The following ZNF385D variants were observed in gnomAD, a reference collection of about 807,000 sequenced individuals.
The protein encoded by ZNF385D is zinc finger protein 659.
ZNF385D carries 15 observed loss-of-function variants against 35.8 expected under a neutral mutation model. The ratio of observed to expected loss-of-function variants is 0.42; its 90% CI spans 0.28 to 0.64. The LOEUF is 0.64. Among genes scored for constraint, ZNF385D ranks in the 30% least tolerant of loss-of-function variants. The pLI, the probability that ZNF385D is intolerant of heterozygous loss-of-function variation, is 0.23. For synonymous variants in ZNF385D, 212 were observed against 186.8 expected (o/e 1.13, Z -1.10); for missense variants, 474 against 494.6 (o/e 0.96, Z 0.39).
intron 1 of ZNF385D, among the ~76,000 whole-genome samples, chr3:21,723,611 G>C (rs2068631855): frequency 6.6e-6 from 1 of 152,082 alleles, no homozygotes; most frequent in Non-Finnish European, 1.5e-5. Flanking sequence ...AAAAGAATAA[G>C]AAGGAATGAA....
intron 3 of ZNF385D, among the ~76,000 whole-genome samples, chr3:21,989,453 T>A (rs1245664378): frequency 6.6e-6 from 1 of 152,190 alleles, no homozygotes; most frequent in African/African-American, 2.4e-5. Context: ...TAATTATTTG[T>A]GGATTATGGA....
chr3:21,979,764 A>C (rs1694314686), intron 3 of ZNF385D: 1 of 152,182 alleles, frequency 6.6e-6, no homozygotes. Flanking sequence ...TAAGTAGAGA[A>C]AGAAAGCACC....
chr3:21,826,535 T>C (rs1415486036), intron 3 of ZNF385D, among the ~76,000 whole-genome samples: 1 of 152,148 alleles, frequency 6.6e-6, no homozygotes, highest in Non-Finnish European at 1.5e-5. Flanking sequence ...AGGAGTCCAC[T>C]TGAAAGTCAT....
chr3:22,285,722 C>G (rs1279677834), intron 2 of ZNF385D, among the ~76,000 whole-genome samples: 8 of 151,970 alleles, frequency 5.3e-5, no homozygotes, highest in African/African-American at 1.9e-4. Context: ...GTGATGTTCC[C>G]CTTCCCTAGT....
intron 3 of ZNF385D, among the ~76,000 whole-genome samples, chr3:21,843,737 C>G (rs1420758969): frequency 6.6e-6 from 1 of 151,718 alleles, no homozygotes; most frequent in African/African-American, 2.4e-5. Context: ...GAAATGAAAC[C>G]CAGCAGATGG....
chr3:21,612,802 CACTT>C (rs372407094), intron 2 of ZNF385D, among the ~76,000 whole-genome samples: 23 of 152,224 alleles, frequency 1.5e-4, no homozygotes, highest in African/African-American at 4.3e-4. Flanking sequence ...TAAAAGGTGA[CACTT>C]ACCTTTGCTC....
intron 2 of ZNF385D, among the ~76,000 whole-genome samples, chr3:22,253,126 T>C (rs111950212): frequency 0.017 from 2,515 of 152,086 alleles, 22 homozygotes; most frequent in Admixed American, 0.031. Flanking sequence ...AGGGAATGGA[T>C]AGACTGTGGT....
At chr3:21,664,127 C>A (rs1388332597) in intron 2 of ZNF385D, among the ~76,000 whole-genome samples, 2 of 148,136 alleles carry the variant, frequency 1.4e-5, no homozygotes, top group South Asian at 2.1e-4. Flanking sequence ...AAAAAAAAGT[C>A]ACTTACTCGT....
chr3:22,302,417 C>A (rs192745603), intron 2 of ZNF385D, among the ~76,000 whole-genome samples: 1 of 151,096 alleles, frequency 6.6e-6, no homozygotes, highest in Non-Finnish European at 1.5e-5. Context: ...TTGGTATATG[C>A]AATTTATTTT....
At chr3:22,146,634 C>T (rs1408247734) in intron 3 of ZNF385D, among the ~76,000 whole-genome samples, 3 of 152,084 alleles carry the variant, frequency 2.0e-5, no homozygotes, top group Non-Finnish European at 1.5e-5. Flanking sequence ...AATAACTTTT[C>T]TCTAATATTT....
rs757564443 is a variant in ZNF385D, at chr3:21,564,676, C to T, written c.174G>A (p.Pro58=). 47 of 1,551,354 alleles carry T rather than the reference C, an allele frequency of 3.0e-5. 1 individual carries two copies. The East Asian group carries it at 5.0e-4, about 16-fold the overall frequency. Residue 58 remains proline (P), a synonymous_variant, in exon 3 of 8, where the codon CCG becomes CCA. Transcript: ENST00000281523. ...NLFPNFNAMD[P]IQKAVINHTF... is the part of the protein sequence containing the mutation. ...TATGGTTTATTACAGCTTTCTGAAT[C>T]GGGTCCATCTGTAATGAGAAAAAAG...
At chr3:22,043,760 C>T (rs1361731608) in intron 3 of ZNF385D, among the ~76,000 whole-genome samples, 5 of 151,864 alleles carry the variant, frequency 3.3e-5, no homozygotes, top group African/African-American at 7.3e-5. Context: ...TAATACAATA[C>T]GGTAAAAATG....
chr3:22,116,935 G>T (rs937990334), intron 3 of ZNF385D, among the ~76,000 whole-genome samples: 1 of 151,914 alleles, frequency 6.6e-6, no homozygotes, highest in South Asian at 2.1e-4. Context: ...AGGTCATTTG[G>T]CCATCATAAC....
At chr3:21,756,150 C>T (rs551459198), upstream of ZNF385D, among the ~76,000 whole-genome samples, 60 of 152,212 alleles carry the variant, frequency 3.9e-4, no homozygotes, top group African/African-American at 1.1e-3. Flanking sequence ...TGTAAGGTGA[C>T]GGGTTAGGAA....
intron 4 of ZNF385D, among the ~76,000 whole-genome samples, chr3:21,449,042 T>C (rs1702304220): frequency 6.6e-6 from 1 of 152,008 alleles, no homozygotes; most frequent in African/African-American, 2.4e-5. Context: ...AAAAATTGTT[T>C]ATTTTAGCAT....
chr3:22,105,228 TTTCTC>T (rs150782131), intron 3 of ZNF385D, among the ~76,000 whole-genome samples: 2,188 of 152,064 alleles, frequency 0.014, 60 homozygotes, highest in African/African-American at 0.05. Context: ...AAATGATACT[TTTCTC>T]TACTGAAAAT....
At chr3:22,143,233 C>T (rs1704637867) in intron 3 of ZNF385D, among the ~76,000 whole-genome samples, 2 of 151,998 alleles carry the variant, frequency 1.3e-5, no homozygotes, top group African/African-American at 2.4e-5. Flanking sequence ...CAGGCGCCCA[C>T]CACCACGCCT....
At chr3:22,040,222 C>G (rs1698579762) in intron 3 of ZNF385D, among the ~76,000 whole-genome samples, 3 of 152,078 alleles carry the variant, frequency 2.0e-5, no homozygotes, top group Admixed American at 1.3e-4. Context: ...TTTATTAAAC[C>G]TTTTACAAAT....
rs535207853 is a variant in ZNF385D at position 21,796,868 on chromosome 3, G to A, written c.326-131840C>T. Among the ~76,000 whole-genome samples the A allele has an allele frequency of 1.9e-3, 297 of 152,312 alleles. 2 individuals are homozygous for A. The highest frequency in any genetic ancestry group is 1.8e-3 in the Non-Finnish European group (125 of 68,038). The stretch of plus-strand genomic sequence containing the variant: ...TCAGTCCACAAGGCACTGGTAACTT[G>A]TTGACAGGTACACAGTGGGTGATAC... On this transcript the variant is annotated intron_variant, in intron 3 of 5. Transcript: ENST00000494108.
Sources: gnomAD v4.1 joint callset for allele counts (sites outside exome capture counted in the v4.1 genomes callset) on GRCh38, gnomAD v4.1.1 for gene constraint, MANE v1.5 for transcripts, NCBI Gene and HGNC (gene_info 2026-07-23, HGNC 2026-07-21) for gene names.